The following CUL4A variants were observed in gnomAD, a reference collection of about 807,000 sequenced individuals.
The protein encoded by CUL4A is cullin-4A.
Under a neutral mutation model 95.5 loss-of-function variants are expected in CUL4A, and 16 were observed. The observed-to-expected ratio is 0.17, with a 90% CI of 0.11 to 0.25. The LOEUF (loss-of-function observed/expected upper bound fraction) is 0.25, where lower values mean the gene tolerates loss of function less well. CUL4A is among the 10% of genes least tolerant of loss of function. CUL4A has a pLI of 1.00. For missense variants in CUL4A, 610 were observed against 937.0 expected (o/e 0.65, Z 4.56); for synonymous variants, 380 against 353.1 (o/e 1.08, Z -0.85).
intron 3 of CUL4A, among the ~76,000 whole-genome samples, chr13:113,223,773 G>C (rs1255851135): frequency 6.6e-6 from 1 of 152,198 alleles, no homozygotes; most frequent in Non-Finnish European, 1.5e-5. Context: ...CCCATCAGAT[G>C]TGCAGGTAGA....
chr13:113,249,406 C>T (rs1261466007), intron 15 of CUL4A, among the ~76,000 whole-genome samples: 1 of 152,204 alleles, frequency 6.6e-6, no homozygotes, highest in African/African-American at 2.4e-5. Context: ...GCGCTTTATT[C>T]CATCCGTGCT....
chr13:113,236,184 GAA>G (rs1466040315), intron 8 of CUL4A, among the ~76,000 whole-genome samples: 1 of 152,162 alleles, frequency 6.6e-6, no homozygotes, highest in Non-Finnish European at 1.5e-5. Flanking sequence ...AGAGGGTGCA[GAA>G]AAAGAGATTT....
chr13:113,236,965 A>C, intron 9 of CUL4A, 75 bp downstream of exon 9: 1 of 990,876 alleles, frequency 1.0e-6, no homozygotes, highest in Non-Finnish European at 1.6e-6. Flanking sequence ...AGGGGGCATT[A>C]CAAATAGCAG....
chr13:113,248,261 CT>C (rs1420546045), intron 15 of CUL4A, among the ~76,000 whole-genome samples: 7 of 152,088 alleles, frequency 4.6e-5, no homozygotes, highest in Admixed American at 1.3e-4. Context: ...TTTTCCAGCT[CT>C]ATCATTTCTC....
chr13:113,234,419 C>T (rs1027440103), intron 7 of CUL4A, among the ~76,000 whole-genome samples: 7 of 152,130 alleles, frequency 4.6e-5, no homozygotes, highest in African/African-American at 1.7e-4. Flanking sequence ...TTTCCAGATA[C>T]CAGAGCAAAA....
At chr13:113,226,979 C>T (rs1034006758) in intron 3 of CUL4A, among the ~76,000 whole-genome samples, 1 of 152,152 alleles carries the variant, frequency 6.6e-6, no homozygotes, top group Non-Finnish European at 1.5e-5. Flanking sequence ...CCGCCACCTA[C>T]CCCCAGGGCA....
At chr13:113,229,973 G>GAGA in intron 5 of CUL4A, 1 of 336,456 alleles carries the variant, frequency 3.0e-6, no homozygotes, top group Non-Finnish European at 5.4e-6. Context: ...TTCGGGGACT[G>GAGA]TATACACCAG....
chr13:113,234,406 A>G (rs2041468828), intron 7 of CUL4A, among the ~76,000 whole-genome samples: 1 of 152,134 alleles, frequency 6.6e-6, no homozygotes, highest in South Asian at 2.1e-4. Flanking sequence ...AAACTTAATC[A>G]CCTTTCCAGA....
At chr13:113,222,893 C>T (rs950160926) in intron 3 of CUL4A, among the ~76,000 whole-genome samples, 16 of 152,108 alleles carry the variant, frequency 1.1e-4, no homozygotes, top group East Asian at 3.9e-4. Context: ...GAGCAAGACC[C>T]CCATCTCTAA....
upstream of CUL4A, among the ~76,000 whole-genome samples, chr13:113,209,294 C>A (rs1179533207): frequency 6.8e-6 from 1 of 146,110 alleles, no homozygotes; most frequent in Non-Finnish European, 1.5e-5. Flanking sequence ...GAGGGGGTGC[C>A]CGGAGCCCTG....
intron 8 of CUL4A, 21 bp downstream of exon 8, chr13:113,235,166 G>A (rs1258676125): frequency 5.8e-6 from 9 of 1,538,474 alleles, no homozygotes; most frequent in South Asian, 1.1e-5. Context: ...TTTGCTCGCT[G>A]AGCGTTCGTA....
chr13:113,261,844 G>A (rs1408958817), intron 19 of CUL4A, among the ~76,000 whole-genome samples: 3 of 152,060 alleles, frequency 2.0e-5, no homozygotes, highest in Non-Finnish European at 2.9e-5. Context: ...GCAGTGGCAC[G>A]ATCTCGGCTC....
upstream of CUL4A, chr13:113,209,011 G>T: frequency 1.3e-6 from 1 of 794,746 alleles, no homozygotes; most frequent in Non-Finnish European, 1.5e-6. Flanking sequence ...GCCTGGCTGG[G>T]CCAGGGCCTC....
intron 3 of CUL4A, among the ~76,000 whole-genome samples, chr13:113,220,876 G>C (rs1163069408): frequency 6.6e-6 from 1 of 152,176 alleles, no homozygotes; most frequent in Non-Finnish European, 1.5e-5. Context: ...GGGAATTACT[G>C]TATTTCCCTG....
intron 19 of CUL4A, among the ~76,000 whole-genome samples, chr13:113,262,020 C>T (rs1208098049): frequency 3.9e-5 from 6 of 152,300 alleles, no homozygotes; most frequent in East Asian, 3.9e-4. Flanking sequence ...CCTCGTGATC[C>T]GCCTGCCTCA....
At chr13:113,244,839 C>CAA (rs201136539) in intron 12 of CUL4A, 110 bp from the exon 13 acceptor site, 9,427 of 559,688 alleles carry the variant, frequency 0.017, 139 homozygotes, top group East Asian at 0.14. Context: ...GACTCTGTCT[C>CAA]AAAAAAAAAA....
chr13:113,229,524 G>GT lies in CUL4A; in HGVS notation c.512+6dup. 1.2e-6 allele frequency: 2 copies of GT among 1,612,298 alleles called. No homozygotes were observed. The highest frequency in any genetic ancestry group is 1.7e-6 in the Non-Finnish European group (2 of 1,179,400). ...CTCCACGCTGCCCTCCATCTGGTGA[G>GT]TGTCCTCACAGCGCAGAGCTGCGTC... On this transcript the variant is annotated splice_donor_region_variant and intron_variant, in intron 5 of 19. Transcript: ENST00000375440.
intron 3 of CUL4A, among the ~76,000 whole-genome samples, chr13:113,224,872 T>G (rs2041043222): frequency 6.6e-6 from 1 of 152,192 alleles, no homozygotes; most frequent in South Asian, 2.1e-4. Context: ...GTTGTGTGGA[T>G]GAATGAGGGT....
intron 15 of CUL4A, among the ~76,000 whole-genome samples, chr13:113,247,709 T>C (rs1185231664): frequency 6.6e-6 from 1 of 152,220 alleles, no homozygotes; most frequent in African/African-American, 2.4e-5. Flanking sequence ...CCAGGCAGCC[T>C]GCTTTCCACG....
Sources: gnomAD v4.1 joint callset for allele counts (sites outside exome capture counted in the v4.1 genomes callset) on GRCh38, gnomAD v4.1.1 for gene constraint, MANE v1.5 for transcripts, NCBI Gene and HGNC (gene_info 2026-07-23, HGNC 2026-07-21) for gene names.